Variants in PAPSS1 observed in about 807,000 individuals in gnomAD.
PAPSS1 encodes the protein 3'-phosphoadenosine 5'-phosphosulfate synthase 1.
In PAPSS1, 50 loss-of-function variants were observed where a neutral mutation model predicts 72.0. The observed-to-expected ratio is 0.69, with a 90% CI of 0.55 to 0.88. The LOEUF is 0.88. Ranked by LOEUF, PAPSS1 falls within the 40% of genes least tolerant of loss-of-function variation. The pLI, the probability that PAPSS1 is intolerant of heterozygous loss-of-function variation, is 0.00. For missense variants in PAPSS1, 657 were observed against 782.2 expected (o/e 0.84, Z 1.91); for synonymous variants, 261 against 263.6 (o/e 0.99, Z 0.09).
At chr4:107,653,716 A>G in intron 8 of PAPSS1, 90 bp from the exon 9 acceptor site, 1 of 973,714 alleles carries the variant, frequency 1.0e-6, no homozygotes, top group Non-Finnish European at 1.5e-6. Context: ...AGTCGTTGTA[A>G]GCTACTCTCA....
chr4:107,671,491 T>C (rs1309295588), intron 5 of PAPSS1, among the ~76,000 whole-genome samples: 2 of 152,170 alleles, frequency 1.3e-5, no homozygotes, highest in Admixed American at 6.5e-5. Flanking sequence ...CTGGAATTTA[T>C]AGTCAAAGAT....
intron 5 of PAPSS1, among the ~76,000 whole-genome samples, chr4:107,672,654 A>G (rs1237022716): frequency 6.6e-6 from 1 of 152,222 alleles, no homozygotes; most frequent in Admixed American, 6.5e-5. Context: ...GGGCATAGCC[A>G]AACAAAAGGC....
chr4:107,625,781 C>T (rs1726078778), intron 11 of PAPSS1, among the ~76,000 whole-genome samples: 1 of 152,176 alleles, frequency 6.6e-6, no homozygotes, highest in South Asian at 2.1e-4. Flanking sequence ...CCCACAGAAA[C>T]CACAGGAACG....
intron 1 of PAPSS1, among the ~76,000 whole-genome samples, chr4:107,714,776 T>C (rs1235710769): frequency 6.6e-6 from 1 of 152,170 alleles, no homozygotes; most frequent in East Asian, 1.9e-4. Context: ...AATCTCACGA[T>C]TGAGAACCAC....
intron 9 of PAPSS1, 59 bp from the exon 10 acceptor site, chr4:107,645,129 G>A (rs1726658521): frequency 4.5e-6 from 6 of 1,323,384 alleles, no homozygotes; most frequent in Non-Finnish European, 3.9e-6. Context: ...ACTTTCCAAA[G>A]GATACGCAAT....
At chr4:107,669,449 C>A (rs1727413784) in intron 5 of PAPSS1, among the ~76,000 whole-genome samples, 2 of 152,152 alleles carry the variant, frequency 1.3e-5, no homozygotes, top group South Asian at 4.1e-4. Flanking sequence ...TCTATATATG[C>A]TCATTCTAGT....
At chr4:107,623,600 C>A (rs1370319915) in intron 11 of PAPSS1, among the ~76,000 whole-genome samples, 3 of 152,188 alleles carry the variant, frequency 2.0e-5, no homozygotes, top group Non-Finnish European at 4.4e-5. Context: ...CTCACAGTCT[C>A]CTAGAACAGG....
chr4:107,703,963 A>G (rs1723273244), intron 1 of PAPSS1, among the ~76,000 whole-genome samples: 1 of 152,200 alleles, frequency 6.6e-6, no homozygotes, highest in African/African-American at 2.4e-5. Flanking sequence ...AACAATATTA[A>G]TTCTTTCAAT....
At chr4:107,694,919 G>T (rs953047663) in intron 2 of PAPSS1, among the ~76,000 whole-genome samples, 5 of 151,200 alleles carry the variant, frequency 3.3e-5, no homozygotes, top group Non-Finnish European at 7.4e-5. Context: ...GCTCTTGAAA[G>T]AATTCATGGT....
At chr4:107,646,969 A>G (rs1380444739) in intron 9 of PAPSS1, among the ~76,000 whole-genome samples, 1 of 152,024 alleles carries the variant, frequency 6.6e-6, no homozygotes, top group Non-Finnish European at 1.5e-5. Flanking sequence ...TTACCAGCAC[A>G]CTCAGCCTTC....
At chr4:107,678,803 T>C (rs1378645070) in intron 5 of PAPSS1, among the ~76,000 whole-genome samples, 2 of 152,024 alleles carry the variant, frequency 1.3e-5, no homozygotes, top group Non-Finnish European at 2.9e-5. Flanking sequence ...AAAAAAACTA[T>C]GCTCACTCAC....
intron 1 of PAPSS1, among the ~76,000 whole-genome samples, chr4:107,707,166 C>T (rs552492637): frequency 6.6e-6 from 1 of 152,248 alleles, no homozygotes; most frequent in East Asian, 1.9e-4. Flanking sequence ...CAGGGAATGG[C>T]CTTGTACTGG....
chr4:107,693,878 TA>T lies in PAPSS1; in HGVS notation c.303del (p.Phe101LeufsTer25). 6.2e-7 allele frequency: 1 copy of T among 1,613,934 alleles called. No homozygotes were observed. Among genetic ancestry groups the T allele is most frequent in the African/African-American group, 1.3e-5 (1 of 75,046 alleles). ...ACATTCTCTTCTCTGTCTTCAGGAC[TA>T]AAGCCAAGATTTTTATTGAGACCTT... ...IRQGLNKNLG[F>X]SPEDREENVR... is the part of the protein sequence containing the mutation. On this transcript the variant is annotated frameshift_variant, in exon 3 of 12. Transcript: ENST00000265174. LOFTEE classifies it high-confidence loss of function.
At chr4:107,690,343 T>C (rs1405841412) in intron 3 of PAPSS1, among the ~76,000 whole-genome samples, 2 of 152,156 alleles carry the variant, frequency 1.3e-5, no homozygotes, top group African/African-American at 2.4e-5. Flanking sequence ...CTGTCTCACA[T>C]TCCATTGAGC....
intron 1 of PAPSS1, among the ~76,000 whole-genome samples, chr4:107,718,753 TG>T (rs943889740): frequency 1.3e-3 from 197 of 152,366 alleles, no homozygotes; most frequent in African/African-American, 4.7e-3. Context: ...AGAAATCATC[TG>T]TAAATACCCC....
chr4:107,671,363 T>G (rs1025471092), intron 5 of PAPSS1, among the ~76,000 whole-genome samples: 7 of 150,190 alleles, frequency 4.7e-5, no homozygotes, highest in African/African-American at 1.7e-4. Flanking sequence ...CTATTCTAAA[T>G]AGGGCCCCAA....
At chr4:107,678,269 G>T (rs1218889438) in intron 5 of PAPSS1, among the ~76,000 whole-genome samples, 1 of 146,502 alleles carries the variant, frequency 6.8e-6, no homozygotes, top group Non-Finnish European at 1.5e-5. Context: ...TAATATCTAT[G>T]TCTAGAACTA....
chr4:107,635,076 G>A (rs536119372), intron 10 of PAPSS1, among the ~76,000 whole-genome samples: 1 of 152,250 alleles, frequency 6.6e-6, no homozygotes, highest in South Asian at 2.1e-4. Flanking sequence ...AGGATTACAG[G>A]CGTGAGCCAC....
intron 6 of PAPSS1, among the ~76,000 whole-genome samples, chr4:107,659,384 A>G (rs1473425097): frequency 6.6e-6 from 1 of 152,208 alleles, no homozygotes; most frequent in Admixed American, 6.5e-5. Flanking sequence ...TAGTCCAAAT[A>G]CTTATTTTTA....
Sources: gnomAD v4.1 joint callset for allele counts (sites outside exome capture counted in the v4.1 genomes callset) on GRCh38, gnomAD v4.1.1 for gene constraint, MANE v1.5 for transcripts, NCBI Gene and HGNC (gene_info 2026-07-23, HGNC 2026-07-21) for gene names.